Variants in SGCD observed in about 807,000 individuals in gnomAD.
SGCD encodes delta-sarcoglycan.
A neutral mutation model predicts 36.6 loss-of-function variants in SGCD; 18 were observed. The observed-to-expected ratio is 0.49, with a 90% confidence interval of 0.34 to 0.73. The LOEUF (loss-of-function observed/expected upper bound fraction) is 0.73. SGCD is among the 30% of genes least tolerant of loss of function. The pLI is 0.01. For synonymous variants in SGCD, 133 were observed against 130.6 expected (o/e 1.02, Z -0.12); for missense variants, 387 against 346.7 (o/e 1.12, Z -0.92).
At chr5:156,409,027 CATA>C (rs1772593296) in intron 3 of SGCD, among the ~76,000 whole-genome samples, 1 of 152,128 alleles carries the variant, frequency 6.6e-6, no homozygotes, top group African/African-American at 2.4e-5. Context: ...TAAACAGTAA[CATA>C]ATAAAAAATG....
chr5:156,480,626 T>C (rs571375228), intron 3 of SGCD, among the ~76,000 whole-genome samples: 2 of 152,346 alleles, frequency 1.3e-5, no homozygotes, highest in Admixed American at 6.5e-5. Context: ...TGGGCCGTTA[T>C]AGTAAGTGTT....
At chr5:156,254,602 G>A (rs1765667114) in intron 3 of SGCD, among the ~76,000 whole-genome samples, 1 of 152,146 alleles carries the variant, frequency 6.6e-6, no homozygotes, top group Non-Finnish European at 1.5e-5. Flanking sequence ...TTATCCCAGT[G>A]ATTTGAGAGG....
chr5:156,024,434 T>A (rs1274301500), intron 1 of SGCD, among the ~76,000 whole-genome samples: 1 of 135,280 alleles, frequency 7.4e-6, no homozygotes, highest in Admixed American at 7.2e-5. Flanking sequence ...TAAAATTCAG[T>A]TTTTTGCATT....
intron 4 of SGCD, among the ~76,000 whole-genome samples, chr5:156,565,485 C>T (rs2113263534): frequency 6.6e-6 from 1 of 152,216 alleles, no homozygotes; most frequent in Non-Finnish European, 1.5e-5. Context: ...AGTAATTGTT[C>T]ACTACAATTA....
At chr5:156,729,471 T>C (rs536313915) in intron 7 of SGCD, among the ~76,000 whole-genome samples, 2 of 152,346 alleles carry the variant, frequency 1.3e-5, no homozygotes, top group East Asian at 1.9e-4. Context: ...CTACGTGGAA[T>C]TGATGATGGG....
At chr5:156,678,314 A>G (rs531116156) in intron 7 of SGCD, among the ~76,000 whole-genome samples, 7 of 152,322 alleles carry the variant, frequency 4.6e-5, no homozygotes, top group African/African-American at 1.7e-4. Context: ...AGAGAGACAC[A>G]GGGGTGGGTG....
chr5:156,429,750 A>G (rs1266761282), intron 3 of SGCD, among the ~76,000 whole-genome samples: 2 of 152,206 alleles, frequency 1.3e-5, no homozygotes, highest in East Asian at 3.9e-4. Context: ...TTGTCTGAAA[A>G]AGAATTTATT....
chr5:156,441,516 T>G (rs1298024910), intron 3 of SGCD, among the ~76,000 whole-genome samples: 2 of 152,192 alleles, frequency 1.3e-5, no homozygotes, highest in Non-Finnish European at 2.9e-5. Context: ...TTACATATGG[T>G]ACAGAACTAA....
At chr5:155,753,334 T>TCAAAAAAAAAAAAAAAAAAAAAAAAAAAA in the SGCD span, among the ~76,000 whole-genome samples, 3 of 135,836 alleles carry the variant, frequency 2.2e-5, no homozygotes, top group African/African-American at 1.1e-4. Flanking sequence ...AGACTTTGTC[T>TCAAAAAAAAAAAAAAAAAAAAAAAAAAAA]AAAAAAAAAA....
chr5:156,182,691 T>A (rs1338276612), intron 3 of SGCD, among the ~76,000 whole-genome samples: 2 of 152,192 alleles, frequency 1.3e-5, no homozygotes, highest in East Asian at 3.8e-4. Flanking sequence ...TAAGTTATGG[T>A]CTCAATTCTT....
chr5:156,575,428 G>A (rs6556717), intron 4 of SGCD, among the ~76,000 whole-genome samples: 68,075 of 152,004 alleles, frequency 0.45, 15,590 homozygotes, highest in African/African-American at 0.48. Context: ...TTCCACTGTA[G>A]TAGAACAAGC....
the SGCD span, among the ~76,000 whole-genome samples, chr5:155,832,512 C>T: frequency 7.9e-5 from 12 of 152,238 alleles, no homozygotes; most frequent in East Asian, 1.6e-3. Flanking sequence ...CAGGATACAA[C>T]GCAAGCATTG....
intron 1 of SGCD, among the ~76,000 whole-genome samples, chr5:155,925,448 C>A (rs1235063513): frequency 1.3e-4 from 20 of 152,166 alleles, no homozygotes; most frequent in Admixed American, 1.3e-3. Flanking sequence ...AGGATTGTTT[C>A]TTGCCTCTTC....
intron 3 of SGCD, among the ~76,000 whole-genome samples, chr5:156,146,040 C>T (rs1022910095): frequency 5.3e-5 from 8 of 151,946 alleles, no homozygotes; most frequent in South Asian, 2.1e-4. Flanking sequence ...GGTGAAACCC[C>T]GTCACTACTA....
intron 6 of SGCD, among the ~76,000 whole-genome samples, chr5:156,597,795 A>G (rs1483800336): frequency 6.6e-6 from 1 of 152,176 alleles, no homozygotes; most frequent in Non-Finnish European, 1.5e-5. Context: ...TGATTTAGGT[A>G]CTATGCTTGA....
rs768938458 is a variant in SGCD at position 155,978,378 on chromosome 5, A to G, written c.-282+107954A>G. Among the ~76,000 whole-genome samples, 5 of 152,234 alleles carry G rather than the reference A, an allele frequency of 3.3e-5. 1 individual carries two copies. The highest frequency in any genetic ancestry group is 7.3e-5 in the Non-Finnish European group (5 of 68,046). ...TGGAGTGGGACAGGGTGGGAGGGAA[A>G]AGAATAAAAGGAAAAATATTTTGAA... is the stretch of plus-strand genomic sequence containing the variant. On this transcript the variant is annotated intron_variant, in intron 1 of 9. Transcript: ENST00000517913.
chr5:155,749,955 T>G, the SGCD span, among the ~76,000 whole-genome samples: 1 of 152,262 alleles, frequency 6.6e-6, no homozygotes, highest in Non-Finnish European at 1.5e-5. Flanking sequence ...AAATGTGCTT[T>G]GCTTTTGTTG....
At chr5:155,964,871 G>A (rs1184858619) in intron 1 of SGCD, among the ~76,000 whole-genome samples, 2 of 152,104 alleles carry the variant, frequency 1.3e-5, no homozygotes, top group East Asian at 1.9e-4. Context: ...GTCATTCAAC[G>A]CCTGCATGTA....
chr5:155,796,519 T>C, the SGCD span, among the ~76,000 whole-genome samples: 1 of 151,620 alleles, frequency 6.6e-6, no homozygotes, highest in Non-Finnish European at 1.5e-5. Context: ...AAATCAATGA[T>C]TCGGCCGGGC....
Sources: allele counts gnomAD v4.1 joint callset (sites outside exome capture counted in the v4.1 genomes callset), GRCh38; gene constraint gnomAD v4.1.1; transcripts MANE v1.5; gene names NCBI Gene and HGNC (gene_info 2026-07-23, HGNC 2026-07-21).